The following MAP3K3 variants were observed in gnomAD, a reference collection of about 807,000 sequenced individuals.
The protein encoded by MAP3K3 is MAP/ERK kinase kinase 3.
In MAP3K3, 12 loss-of-function variants were observed where a neutral mutation model predicts 80.9. That is an observed-to-expected ratio of 0.15 (90% CI 0.10 to 0.24). MAP3K3 has a LOEUF of 0.24. MAP3K3 is among the 10% of genes least tolerant of loss of function. The pLI, the probability that MAP3K3 is intolerant of heterozygous loss-of-function variation, is 1.00. For synonymous variants in MAP3K3, 272 were observed against 307.1 expected (o/e 0.89, Z 1.19); for missense variants, 596 against 834.7 (o/e 0.71, Z 3.52).
chr17:63,671,388 T>G (rs1454562253), intron 6 of MAP3K3, among the ~76,000 whole-genome samples: 3 of 151,874 alleles, frequency 2.0e-5, no homozygotes, highest in Admixed American at 6.6e-5. Context: ...CCCAAGTAGC[T>G]GGGACTACAG....
At chr17:63,638,062 AG>A (rs1483572661) in intron 2 of MAP3K3, among the ~76,000 whole-genome samples, 11 of 152,188 alleles carry the variant, frequency 7.2e-5, no homozygotes, top group Non-Finnish European at 1.3e-4. Context: ...TTCTCTTTCA[AG>A]GGTTGTTGAT....
intron 8 of MAP3K3, 109 bp downstream of exon 8, chr17:63,685,699 T>A: frequency 1.2e-6 from 1 of 851,254 alleles, no homozygotes; most frequent in Non-Finnish European, 2.0e-6. Context: ...ATCATGCTTC[T>A]AGGAAAAGCC....
At chr17:63,635,920 T>C (rs988783336) in intron 2 of MAP3K3, among the ~76,000 whole-genome samples, 6 of 152,096 alleles carry the variant, frequency 3.9e-5, no homozygotes, top group African/African-American at 1.4e-4. Context: ...AGAGTCCCAG[T>C]TGAAAGAAGC....
chr17:63,625,796 G>A (rs1248875068), intron 1 of MAP3K3, among the ~76,000 whole-genome samples: 2 of 152,136 alleles, frequency 1.3e-5, no homozygotes, highest in African/African-American at 2.4e-5. Context: ...TTTAGGTTGG[G>A]CATGGTGGCT....
At chr17:63,679,617 G>A (rs1248064956) in intron 6 of MAP3K3, among the ~76,000 whole-genome samples, 3 of 152,144 alleles carry the variant, frequency 2.0e-5, no homozygotes, top group African/African-American at 4.8e-5. Context: ...CAAGTAGCTG[G>A]GTCCACAAGT....
intron 2 of MAP3K3, among the ~76,000 whole-genome samples, chr17:63,640,100 A>G (rs906073185): frequency 4.6e-5 from 7 of 152,276 alleles, no homozygotes; most frequent in African/African-American, 1.2e-4. Context: ...AGCTGGGAGC[A>G]CAGCAGTACC....
At chr17:63,649,084 T>A (rs1330225071) in intron 3 of MAP3K3, among the ~76,000 whole-genome samples, 1 of 152,322 alleles carries the variant, frequency 6.6e-6, no homozygotes, top group Non-Finnish European at 1.5e-5. Context: ...CTGCTGTACA[T>A]GTGGCTAATG....
intron 1 of MAP3K3, among the ~76,000 whole-genome samples, chr17:63,627,445 CTTT>C (rs1183128007): frequency 1.4e-5 from 2 of 143,508 alleles, no homozygotes; most frequent in Admixed American, 7.1e-5. Context: ...TTCACAAATA[CTTT>C]TTTTTTTTTT....
intron 2 of MAP3K3, among the ~76,000 whole-genome samples, chr17:63,637,873 T>C (rs1266292301): frequency 6.6e-6 from 1 of 152,216 alleles, no homozygotes; most frequent in East Asian, 1.9e-4. Context: ...CAGATGTTCA[T>C]GAGTGGGTGC....
chr17:63,640,267 G>C (rs1285771528), intron 2 of MAP3K3, among the ~76,000 whole-genome samples: 2 of 152,146 alleles, frequency 1.3e-5, no homozygotes, highest in African/African-American at 4.8e-5. Context: ...CTCCAGCCTG[G>C]GCAACATAGC....
At chr17:63,662,039 C>A (rs548287042) in intron 5 of MAP3K3, among the ~76,000 whole-genome samples, 1 of 151,798 alleles carries the variant, frequency 6.6e-6, no homozygotes, top group African/African-American at 2.4e-5. Flanking sequence ...GGAGGCGGAG[C>A]TTGCAGTGAG....
rs190147095 is a variant in MAP3K3 at position 63,628,197 on chromosome 17, C to T, written c.5-4484C>T. On this transcript the variant is annotated intron_variant, in intron 1 of 15. Coordinates refer to ENST00000361733, the MANE Select transcript of MAP3K3 (RefSeq NM_002401.5). ...CTGAGATTACAGGTGTGAGCCACCACGCCCAGCCAGCTTGCTTTTCTTAAA... is the reference window on the plus strand; with the variant it reads ...CTGAGATTACAGGTGTGAGCCACCATGCCCAGCCAGCTTGCTTTTCTTAAA... Among the ~76,000 whole-genome samples the T allele has an allele frequency of 8.9e-4, 135 of 152,016 alleles. 1 individual carries two copies. In the East Asian group the frequency reaches 0.021, roughly 24 times the overall value.
At chr17:63,664,555 T>TGTAAC (rs1247102335) in intron 5 of MAP3K3, among the ~76,000 whole-genome samples, 1 of 152,214 alleles carries the variant, frequency 6.6e-6, no homozygotes, top group Non-Finnish European at 1.5e-5. Flanking sequence ...GGTGGACTTT[T>TGTAAC]GTAACTTATT....
intron 1 of MAP3K3, among the ~76,000 whole-genome samples, chr17:63,623,182 CT>C (rs909477848): frequency 6.6e-6 from 1 of 151,986 alleles, no homozygotes; most frequent in African/African-American, 2.4e-5. Context: ...CCTTGATTTG[CT>C]TTTTTTTCCT....
chr17:63,637,209 AAAG>A (rs1385494927), intron 2 of MAP3K3: 11 of 247,554 alleles, frequency 4.4e-5, no homozygotes, highest in East Asian at 9.1e-5. Flanking sequence ...AAAAAAAAAA[AAAG>A]AGTACTGGCC....
Position 63,657,847 on chromosome 17 carries a change from A to G in MAP3K3, c.321A>G (p.Leu107=), listed in dbSNP as rs2143391735. The G allele has an allele frequency of 6.2e-7, 1 of 1,609,454 alleles. No homozygotes were observed. Among genetic ancestry groups the G allele is most frequent in the Non-Finnish European group, 8.5e-7 (1 of 1,177,064 alleles). The part of the protein sequence containing the change: ...QDDLDKAIDI[L]DRSSSMKSLR... ...ATCTTGATAAAGCAATTGACATTTT[A>G]GATAGAAGCTCAAGCATGAAAAGCC... Residue 107 remains leucine, a synonymous_variant, in exon 5 of 16, where the codon TTA becomes TTG. Coordinates refer to ENST00000361733, the MANE Select transcript of MAP3K3 (RefSeq NM_002401.5).
rs778266515 is a variant in MAP3K3, at chr17:63,685,547, T to A, written c.667T>A (p.Ser223Thr). 13 of 1,614,212 alleles carry A rather than the reference T, an allele frequency of 8.1e-6. No individual in the cohort carries two copies. Among genetic ancestry groups the A allele is most frequent in the Non-Finnish European group, 1.1e-5 (13 of 1,180,038 alleles). The change falls in exon 8 of 16, where the codon TCC becomes ACC. Residue 223 changes from serine (S) to threonine (T), a missense_variant. Ser to Thr is a moderately conservative substitution (Grantham distance 58). Coordinates refer to ENST00000361733, the MANE Select transcript of MAP3K3 (RefSeq NM_002401.5). ...MLDPLSSAEN[S>T]LSGSCQSLDR... ...GGATCCCCTGAGCAGTGCAGAAAAT[T>A]CCTTGTCTGGAAGCTGCCAATCCTT...
chr17:63,690,327 T>C lies in MAP3K3; in HGVS notation c.1127T>C (p.Val376Ala). ...CTGGGCCAGGGTGCCTTCGGCAGGG[T>C]CTATTTGTGCTATGACGTGGACACG... ...KLLGQGAFGR[V>A]YLCYDVDTGR... The change falls in exon 12 of 16, where the codon GTC becomes GCC. Residue 376 changes from valine (V) to alanine (A), a missense_variant. Physicochemically the swap from Val to Ala is moderately conservative, Grantham distance 64. Around this residue, in one of 2 missense-constraint regions of MAP3K3, gnomAD observed 364 missense variants for 588.9 expected, o/e 0.62. Coordinates refer to ENST00000361733, the MANE Select transcript of MAP3K3 (RefSeq NM_002401.5). 1 of 1,614,092 alleles carries C rather than the reference T, an allele frequency of 6.2e-7. No individual in the cohort carries two copies. The highest frequency in any genetic ancestry group is 2.2e-5 in the East Asian group (1 of 44,876).
rs1421972199 is a variant in MAP3K3 at position 63,693,817 on chromosome 17, A to G, written c.*40A>G. The G allele has an allele frequency of 1.3e-6, 2 of 1,530,042 alleles. No individual in the cohort carries two copies. The highest frequency in any genetic ancestry group is 1.8e-6 in the Non-Finnish European group (2 of 1,117,712). 94.8% of individuals were successfully genotyped at this position (1,530,042 alleles called of 1,614,324 possible). The stretch of plus-strand genomic sequence containing the variant: ...ACAGCTGCCGGTCGCCCTTTGCTGC[A>G]TGGCAGGGGGCTGCTGCTGGGCTCA... On this transcript the variant is annotated 3_prime_UTR_variant, in exon 16 of 16. Coordinates refer to ENST00000361733, the MANE Select transcript of MAP3K3 (RefSeq NM_002401.5). The surrounding 1 kb of genome is among the most constrained non-coding windows in gnomAD (Gnocchi z 4.2).
Sources: allele counts gnomAD v4.1 joint callset (sites outside exome capture counted in the v4.1 genomes callset), GRCh38; gene constraint gnomAD v4.1.1; regional missense constraint gnomAD v4.1.1; non-coding constraint Gnocchi (gnomAD v3.1); transcripts MANE v1.5; gene names NCBI Gene and HGNC (gene_info 2026-07-23, HGNC 2026-07-21).